The following ZFAT variants were observed in gnomAD, a reference collection of about 807,000 sequenced individuals.
ZFAT encodes zinc finger protein ZFAT.
A neutral mutation model predicts 117.7 loss-of-function variants in ZFAT; 64 were observed. The ratio of observed to expected loss-of-function variants is 0.54; its 90% CI spans 0.44 to 0.67. ZFAT has a LOEUF of 0.67. Ranked by LOEUF, ZFAT falls within the 30% of genes least tolerant of loss-of-function variation. The probability of loss-of-function intolerance (pLI) is 0.00; values close to 1 mark genes in which losing one functional copy is unlikely to be tolerated. For missense variants in ZFAT, 1,433 were observed against 1,584.5 expected, an observed-to-expected ratio of 0.90 and a Z score of 1.62; for synonymous variants, 679 against 615.0, an observed-to-expected ratio of 1.10 and a Z score of -1.54.
chr8:134,619,211 T>C (rs1278654353), intron 3 of ZFAT, among the ~76,000 whole-genome samples: 2 of 152,218 alleles, frequency 1.3e-5, no homozygotes, highest in South Asian at 2.1e-4. Context: ...TAGCCTAGAG[T>C]TGGGCAAAAC....
At chr8:134,694,740 C>T (rs1833743243) in intron 1 of ZFAT, among the ~76,000 whole-genome samples, 1 of 152,134 alleles carries the variant, frequency 6.6e-6, no homozygotes, top group African/African-American at 2.4e-5. Flanking sequence ...TGTTCCTGTG[C>T]CCCCTCCCCA....
chr8:134,608,630 C>T (rs1286115992), intron 5 of ZFAT, 99 bp downstream of exon 5: 2 of 1,434,510 alleles, frequency 1.4e-6, no homozygotes, highest in South Asian at 1.3e-5. Context: ...AGTTTATAAG[C>T]AGAATCCAAA....
chr8:134,546,346 C>T (rs141905019), intron 11 of ZFAT, among the ~76,000 whole-genome samples: 1 of 152,306 alleles, frequency 6.6e-6, no homozygotes, highest in African/African-American at 2.4e-5. Context: ...AGATTTACAA[C>T]AGCACTTCTG....
chr8:134,772,899 AAAAC>A, the ZFAT span, among the ~76,000 whole-genome samples: 1 of 152,008 alleles, frequency 6.6e-6, no homozygotes, highest in Admixed American at 6.6e-5. Flanking sequence ...CTAAAAATTA[AAAAC>A]AAACAAACAA....
rs541567458 is a variant in ZFAT, at chr8:134,540,584, C to T, written c.2977-7612G>A. On this transcript the variant is annotated intron_variant, in intron 11 of 15. Transcript: ENST00000377838. Reference sequence around the variant, plus strand: ...GTCCCTCCATCACCTTCAAAGGCTACGAAAAGTCCCACCTACACCACCATG... The same window carrying T: ...GTCCCTCCATCACCTTCAAAGGCTATGAAAAGTCCCACCTACACCACCATG... Among the ~76,000 whole-genome samples, 15 of 152,256 alleles carry T rather than the reference C, an allele frequency of 9.9e-5. No homozygotes were observed. In the South Asian group the frequency reaches 2.9e-3, roughly 29 times the overall value.
intron 15 of ZFAT, among the ~76,000 whole-genome samples, chr8:134,484,749 G>A (rs936189395): frequency 1.7e-4 from 26 of 152,308 alleles, no homozygotes; most frequent in Admixed American, 1.6e-3. Flanking sequence ...AGGGGCGAAC[G>A]CCAAGTAGAT....
At chr8:134,532,666 A>G (rs1692995905) in intron 12 of ZFAT, among the ~76,000 whole-genome samples, 168 bp downstream of exon 12, 1 of 152,270 alleles carries the variant, frequency 6.6e-6, no homozygotes, top group African/African-American at 2.4e-5. Flanking sequence ...TAATGCTGAC[A>G]AACAATGATA....
intron 11 of ZFAT, among the ~76,000 whole-genome samples, chr8:134,545,726 T>C (rs1380212611): frequency 1.3e-5 from 2 of 152,160 alleles, no homozygotes; most frequent in Non-Finnish European, 2.9e-5. Flanking sequence ...GTCGGGACAG[T>C]GGTGACTTTT....
intron 12 of ZFAT, among the ~76,000 whole-genome samples, chr8:134,528,480 A>G (rs1254450761): frequency 6.6e-6 from 1 of 152,222 alleles, no homozygotes; most frequent in Non-Finnish European, 1.5e-5. Flanking sequence ...ATTTCCTGCT[A>G]TGCTATTTTC....
intron 11 of ZFAT, among the ~76,000 whole-genome samples, chr8:134,549,395 C>G (rs538957199): frequency 4.2e-4 from 63 of 148,830 alleles, no homozygotes; most frequent in Admixed American, 4.2e-3. Flanking sequence ...GAGCCGAGAT[C>G]ACGCCACTGT....
intron 1 of ZFAT, among the ~76,000 whole-genome samples, chr8:134,711,370 C>T (rs1413667224): frequency 2.6e-5 from 4 of 152,184 alleles, no homozygotes; most frequent in Non-Finnish European, 5.9e-5. Flanking sequence ...GGAGCATTTC[C>T]GATTTCGGAT....
intron 2 of ZFAT, among the ~76,000 whole-genome samples, chr8:134,649,139 T>C (rs1200171929): frequency 6.7e-6 from 1 of 149,138 alleles, no homozygotes; most frequent in Non-Finnish European, 1.5e-5. Context: ...AAGAGCTTCC[T>C]TAACCTAATG....
At chr8:134,558,850 T>C (rs987651782) in intron 11 of ZFAT, among the ~76,000 whole-genome samples, 5 of 152,190 alleles carry the variant, frequency 3.3e-5, no homozygotes, top group Non-Finnish European at 7.4e-5. Context: ...TTACAGATCA[T>C]AAAATTTGTT....
At chr8:134,499,744 C>G (rs899067023) in intron 15 of ZFAT, among the ~76,000 whole-genome samples, 1 of 152,220 alleles carries the variant, frequency 6.6e-6, no homozygotes, top group Non-Finnish European at 1.5e-5. Context: ...GGCCGGGGGA[C>G]TACGTTTTGA....
chr8:134,825,713 C>A, the ZFAT span, among the ~76,000 whole-genome samples: 4 of 152,184 alleles, frequency 2.6e-5, no homozygotes, highest in African/African-American at 4.8e-5. Flanking sequence ...TATTTACTTA[C>A]AGGCATACTT....
intron 12 of ZFAT, among the ~76,000 whole-genome samples, chr8:134,528,534 G>C (rs1186327699): frequency 6.6e-6 from 1 of 152,114 alleles, no homozygotes; most frequent in East Asian, 1.9e-4. Flanking sequence ...ATACATCCAA[G>C]GTACACATGC....
chr8:134,607,952 A>G (rs1409893537), intron 5 of ZFAT, among the ~76,000 whole-genome samples: 2 of 152,242 alleles, frequency 1.3e-5, no homozygotes, highest in Non-Finnish European at 2.9e-5. Flanking sequence ...TTGCTGTAGC[A>G]ATTTCAACTC....
At chr8:134,791,556 T>A in the ZFAT span, among the ~76,000 whole-genome samples, 4 of 152,176 alleles carry the variant, frequency 2.6e-5, no homozygotes, top group African/African-American at 9.7e-5. Flanking sequence ...TTGTTTTCTA[T>A]GACATCTCTG....
chr8:134,665,030 C>A (rs1294376182), intron 1 of ZFAT, among the ~76,000 whole-genome samples: 1 of 152,232 alleles, frequency 6.6e-6, no homozygotes, highest in Non-Finnish European at 1.5e-5. Flanking sequence ...CATTTCTGAT[C>A]TCTGATTTGT....
Sources: allele counts gnomAD v4.1 joint callset (sites outside exome capture counted in the v4.1 genomes callset), GRCh38; gene constraint gnomAD v4.1.1; transcripts MANE v1.5; gene names NCBI Gene and HGNC (gene_info 2026-07-23, HGNC 2026-07-21).